The following RP1 variants were observed in gnomAD, a reference collection of about 807,000 sequenced individuals.
RP1 encodes the protein RP1 axonemal microtubule associated.
In RP1, 16 loss-of-function variants were observed where a neutral mutation model predicts 14.8. The observed-to-expected ratio is 1.08, with a 90% CI of 0.73 to 1.65. RP1 has a LOEUF of 1.65. RP1 is among the 40% of genes most tolerant of loss of function. The pLI, the probability that RP1 is intolerant of heterozygous loss-of-function variation, is 0.00. For missense variants in RP1, 2,631 were observed against 2,535.0 expected (o/e 1.04, Z -0.81); for synonymous variants, 876 against 883.6 (o/e 0.99, Z 0.15).
intron 25 of RP1, among the ~76,000 whole-genome samples, chr8:54,849,816 C>T (rs1220074837): frequency 1.3e-5 from 2 of 152,040 alleles, no homozygotes; most frequent in African/African-American, 4.8e-5. Flanking sequence ...ATGGGTTATG[C>T]ATTCCTTGAC....
intron 12 of RP1, chr8:54,699,367 A>G (rs1250271669): frequency 4.5e-6 from 2 of 447,834 alleles, no homozygotes; most frequent in Non-Finnish European, 7.5e-6. Flanking sequence ...CATTTAATTG[A>G]GAAGTTTAAA....
intron 24 of RP1, among the ~76,000 whole-genome samples, chr8:54,804,656 G>C (rs1428942987): frequency 1.3e-5 from 2 of 151,958 alleles, no homozygotes; most frequent in Non-Finnish European, 2.9e-5. Context: ...GTATAAGATG[G>C]GATAAAAGAT....
intron 28 of RP1, chr8:54,869,748 T>G: frequency 4.3e-6 from 2 of 462,980 alleles, no homozygotes; most frequent in Non-Finnish European, 7.0e-6. Context: ...AAGGCCTCTT[T>G]AAATTCTTTC....
intron 23 of RP1, chr8:54,780,914 G>C (rs1810170438): frequency 1.0e-6 from 1 of 985,190 alleles, no homozygotes; most frequent in South Asian, 4.7e-5. Flanking sequence ...GGAAATGGCA[G>C]AGCACATACT....
intron 1 of RP1, among the ~76,000 whole-genome samples, chr8:54,599,097 A>G (rs1345382885): frequency 6.6e-6 from 1 of 151,888 alleles, no homozygotes; most frequent in Non-Finnish European, 1.5e-5. Flanking sequence ...CTTTTGTTAT[A>G]GTTCTGCAAG....
intron 7 of RP1, among the ~76,000 whole-genome samples, chr8:54,664,473 GT>G (rs2129330078): frequency 6.6e-6 from 1 of 152,198 alleles, no homozygotes; most frequent in Admixed American, 6.5e-5. Context: ...CTACTGTGCT[GT>G]TTTGCATAGC....
intron 24 of RP1, among the ~76,000 whole-genome samples, chr8:54,790,020 G>A (rs1319921289): frequency 6.6e-6 from 1 of 152,156 alleles, no homozygotes; most frequent in Non-Finnish European, 1.5e-5. Flanking sequence ...GTGGAACTCA[G>A]CCTATAGCCC....
chr8:54,788,845 AGAG>A (rs1316312666), intron 24 of RP1, among the ~76,000 whole-genome samples: 1 of 152,218 alleles, frequency 6.6e-6, no homozygotes, highest in African/African-American at 2.4e-5. Flanking sequence ...AATCATCTAC[AGAG>A]AAGAGTGCCT....
chr8:54,718,442 G>A (rs1240583033), intron 15 of RP1, among the ~76,000 whole-genome samples: 2 of 152,150 alleles, frequency 1.3e-5, no homozygotes, highest in Non-Finnish European at 2.9e-5. Flanking sequence ...CTTTGACAAA[G>A]GAGCAAAGGG....
At chr8:54,767,071 G>T (rs1207630123) in intron 22 of RP1, among the ~76,000 whole-genome samples, 1 of 152,164 alleles carries the variant, frequency 6.6e-6, no homozygotes, top group Non-Finnish European at 1.5e-5. Flanking sequence ...TAGGATGGTT[G>T]TTTGTTGACT....
chr8:54,811,076 A>T (rs944069813), intron 24 of RP1, among the ~76,000 whole-genome samples: 1 of 152,222 alleles, frequency 6.6e-6, no homozygotes, highest in African/African-American at 2.4e-5. Flanking sequence ...ACCCTGAAGC[A>T]TCCTCATCTT....
Position 54,869,908 on chromosome 8 carries a change from G to C in RP1, c.4217G>C (p.Ser1406Thr), listed in dbSNP as rs1018848284. The C allele has an allele frequency of 4.9e-6, 6 of 1,231,874 alleles. No individual in the cohort carries two copies. In the African/African-American group the frequency reaches 9.3e-5, roughly 19 times the overall value. The allele number at this position is 1,231,874 out of a possible 1,614,324, so 76.3% of individuals were successfully genotyped here. The change falls in exon 29 of 29, where the codon AGT becomes ACT. Residue 1406 changes from serine to threonine, a missense_variant. Physicochemically the swap from Ser to Thr is moderately conservative, Grantham distance 58 (BLOSUM62 1). Coordinates refer to the RP1 transcript ENST00000637698. ...GAATTGCTCGCAGAAAGTAGTCCCA[G>C]TGCAGTAGGAGAGACTGGGTCTACC...
chr8:54,610,163 T>C (rs993113081), intron 1 of RP1, among the ~76,000 whole-genome samples: 6 of 152,218 alleles, frequency 3.9e-5, no homozygotes, highest in Non-Finnish European at 1.5e-5. Flanking sequence ...TGCTTACTTC[T>C]CAGCACTCCT....
intron 24 of RP1, among the ~76,000 whole-genome samples, chr8:54,822,850 T>C (rs373588393): frequency 2.0e-5 from 3 of 152,300 alleles, no homozygotes; most frequent in African/African-American, 7.2e-5. Flanking sequence ...ATGCAATCTC[T>C]CATCTCTTAG....
At chr8:54,694,000 C>T (rs936458843) in intron 12 of RP1, among the ~76,000 whole-genome samples, 2 of 152,090 alleles carry the variant, frequency 1.3e-5, no homozygotes, top group African/African-American at 4.8e-5. Context: ...CCCATCAATA[C>T]CTAATTTATT....
chr8:54,769,758 C>T, exon 23 of RP1: 1 of 1,532,746 alleles, frequency 6.5e-7, no homozygotes, highest in Non-Finnish European at 8.7e-7. Context: ...CCTTTCATGT[C>T]TCAGGGCATA....
chr8:54,791,500 TAA>T (rs1455643757), intron 24 of RP1, among the ~76,000 whole-genome samples: 1 of 152,262 alleles, frequency 6.6e-6, no homozygotes, highest in Admixed American at 6.5e-5. Flanking sequence ...GTAGAGAAGT[TAA>T]AAATGTATTA....
At chr8:54,679,711 A>G in intron 11 of RP1, 2 of 1,521,516 alleles carry the variant, frequency 1.3e-6, no homozygotes, top group Non-Finnish European at 1.8e-6. Context: ...AACAGCCTAT[A>G]GAGTTTAGTA....
intron 27 of RP1, among the ~76,000 whole-genome samples, chr8:54,859,504 A>C (rs1812290895): frequency 6.6e-6 from 1 of 150,724 alleles, no homozygotes; most frequent in Admixed American, 6.6e-5. Flanking sequence ...GAGTGGTATC[A>C]GTATAGGAGG....
Sources: allele counts gnomAD v4.1 joint callset (sites outside exome capture counted in the v4.1 genomes callset), GRCh38; gene constraint gnomAD v4.1.1; transcripts MANE v1.5; gene names NCBI Gene and HGNC (gene_info 2026-07-23, HGNC 2026-07-21).